Variants in AP4S1 observed in about 807,000 individuals in gnomAD.
AP4S1 encodes the protein adaptor related protein complex 4 subunit sigma 1, also known as AP-4 complex subunit sigma-1.
AP4S1 carries 23 observed loss-of-function variants against 19.8 expected under a neutral mutation model. The ratio of observed to expected loss-of-function variants is 1.16; its 90% CI spans 0.84 to 1.65. AP4S1 has a LOEUF of 1.65. Ranked by LOEUF, AP4S1 falls within the 40% of genes most tolerant of loss-of-function variation. The pLI, the probability that AP4S1 is intolerant of heterozygous loss-of-function variation, is 0.00. For missense variants in AP4S1, 166 were observed against 172.8 expected (o/e 0.96, Z 0.22); for synonymous variants, 46 against 54.1 (o/e 0.85, Z 0.66).
At chr14:31,062,150 G>C (rs1171678829) in intron 1 of AP4S1, among the ~76,000 whole-genome samples, 7 of 151,950 alleles carry the variant, frequency 4.6e-5, no homozygotes, top group Admixed American at 4.6e-4. Context: ...CCAGGCTGGA[G>C]TACAATGGCA....
chr14:31,037,085 T>TA (rs2139433381), intron 1 of AP4S1, among the ~76,000 whole-genome samples: 1 of 152,194 alleles, frequency 6.6e-6, no homozygotes, highest in East Asian at 1.9e-4. Context: ...GTGCTGGGAT[T>TA]ACAGGTGTCA....
chr14:31,080,633 G>C (rs1887589157), intron 5 of AP4S1, 49 bp downstream of exon 5: 6 of 1,612,976 alleles, frequency 3.7e-6, no homozygotes, highest in Non-Finnish European at 4.2e-6. Flanking sequence ...AATGCACTCT[G>C]GTCCTTATCA....
At chr14:31,039,042 C>T (rs1007769115) in intron 1 of AP4S1, among the ~76,000 whole-genome samples, 1 of 150,086 alleles carries the variant, frequency 6.7e-6, no homozygotes, top group Non-Finnish European at 1.5e-5. Context: ...GACGGTCTTG[C>T]TCTGTTGCCT....
intron 1 of AP4S1, among the ~76,000 whole-genome samples, chr14:31,050,750 C>T (rs943771840): frequency 2.6e-5 from 4 of 152,140 alleles, no homozygotes; most frequent in African/African-American, 9.7e-5. Context: ...TATAACTAAA[C>T]TCAGATTTTG....
At chr14:31,048,443 C>T (rs768904163) in intron 1 of AP4S1, among the ~76,000 whole-genome samples, 25 of 151,880 alleles carry the variant, frequency 1.6e-4, no homozygotes, top group Non-Finnish European at 3.7e-4. Flanking sequence ...AAAATTCTAG[C>T]CAGGACCACG....
At chr14:31,068,888 CT>C in intron 2 of AP4S1, among the ~76,000 whole-genome samples, 1 of 152,118 alleles carries the variant, frequency 6.6e-6, no homozygotes, top group South Asian at 2.1e-4. Flanking sequence ...GTTGTGTTTC[CT>C]TGAAAGATCC....
chr14:31,045,910 T>C (rs74742132), intron 1 of AP4S1, among the ~76,000 whole-genome samples: 1 of 150,994 alleles, frequency 6.6e-6, no homozygotes, highest in Non-Finnish European at 1.5e-5. Flanking sequence ...GATCAGAGAG[T>C]TGGAAATTTC....
intron 1 of AP4S1, among the ~76,000 whole-genome samples, chr14:31,064,094 A>G (rs982471664): frequency 6.6e-5 from 10 of 152,178 alleles, no homozygotes; most frequent in African/African-American, 2.4e-4. Context: ...AGAAACAAAT[A>G]TGAGATTCAA....
At chr14:31,035,246 G>A (rs1884664564) in intron 1 of AP4S1, among the ~76,000 whole-genome samples, 2 of 139,276 alleles carry the variant, frequency 1.4e-5, no homozygotes, top group Non-Finnish European at 3.0e-5. Context: ...CCAGGCTGGA[G>A]TGCAGTGGTG....
intron 1 of AP4S1, among the ~76,000 whole-genome samples, chr14:31,048,563 C>CA (rs971991207): frequency 9.9e-5 from 15 of 151,918 alleles, no homozygotes; most frequent in African/African-American, 3.6e-4. Context: ...CCCGTTTTGC[C>CA]AAAAATCTCT....
At chr14:31,038,634 A>G (rs943613849) in intron 1 of AP4S1, among the ~76,000 whole-genome samples, 1 of 152,170 alleles carries the variant, frequency 6.6e-6, no homozygotes, top group Non-Finnish European at 1.5e-5. Context: ...AAAGCCACAT[A>G]CTAAATGAAA....
Position 31,025,735 on chromosome 14 carries a change from G to A in AP4S1, c.-124G>A, listed in dbSNP as rs1246841522. The A allele has an allele frequency of 1.8e-5, 16 of 899,494 alleles. No individual in the cohort carries two copies. Among genetic ancestry groups the A allele is most frequent in the Admixed American group, 5.6e-5 (2 of 35,566 alleles). The allele number at this position is 899,494 out of a possible 1,614,324, so 55.7% of individuals were successfully genotyped here. Reference sequence around the variant, plus strand: ...AGCAAGCTTATGCGGGAAAGAGGGAGGGGGACTCCAGGAAAAGCCGTTGAG... The same window carrying A: ...AGCAAGCTTATGCGGGAAAGAGGGAAGGGGACTCCAGGAAAAGCCGTTGAG... On this transcript the variant is annotated 5_prime_UTR_variant, in exon 1 of 6. Coordinates refer to ENST00000542754, the MANE Select transcript of AP4S1 (RefSeq NM_001128126.3).
At chr14:31,045,901 A>G (rs57218502) in intron 1 of AP4S1, among the ~76,000 whole-genome samples, 53 of 151,920 alleles carry the variant, frequency 3.5e-4, no homozygotes, top group African/African-American at 1.3e-3. Context: ...TGATGAGAGG[A>G]TCAGAGAGTT....
In AP4S1 at chr14:31,069,854, TG is replaced by T; in HGVS notation, c.151del (p.Glu51AsnfsTer7). ...TGTGTTTTGTCTAGTGCTCTTTCAT[TG>T]AATATAAGGATTTTAAGCTGATATA... The part of the protein sequence containing the change: ...SRSNEQCSFI[E>X]YKDFKLIYRQ... On this transcript the variant is annotated frameshift_variant, in exon 3 of 6. Coordinates refer to ENST00000542754, the MANE Select transcript of AP4S1 (RefSeq NM_001128126.3). LOFTEE classifies it high-confidence loss of function. The T allele has an allele frequency of 3.1e-6, 5 of 1,612,460 alleles. No homozygotes were observed. Among genetic ancestry groups the T allele is most frequent in the Non-Finnish European group, 3.4e-6 (4 of 1,178,502 alleles).
intron 1 of AP4S1, among the ~76,000 whole-genome samples, chr14:31,028,082 C>A (rs1884146943): frequency 6.6e-6 from 1 of 152,132 alleles, no homozygotes; most frequent in East Asian, 1.9e-4. Context: ...GCAGATTGGA[C>A]CTGTTACTCA....
intron 5 of AP4S1, among the ~76,000 whole-genome samples, chr14:31,083,083 T>C (rs995948906): frequency 4.6e-5 from 7 of 152,014 alleles, no homozygotes; most frequent in East Asian, 1.9e-4. Flanking sequence ...GTTGGATGAG[T>C]TGTGTTGATG....
chr14:31,052,508 T>C (rs377620996), intron 1 of AP4S1, among the ~76,000 whole-genome samples: 1 of 152,100 alleles, frequency 6.6e-6, no homozygotes, highest in East Asian at 1.9e-4. Flanking sequence ...GCAGATCACC[T>C]GAGGTCAGGA....
chr14:31,058,112 G>T (rs900915080), intron 1 of AP4S1, among the ~76,000 whole-genome samples: 1 of 151,580 alleles, frequency 6.6e-6, no homozygotes, highest in African/African-American at 2.4e-5. Context: ...GTTTTTTGTT[G>T]TAGAGGCATG....
chr14:31,032,394 T>C (rs995032495), intron 1 of AP4S1, among the ~76,000 whole-genome samples: 1 of 152,166 alleles, frequency 6.6e-6, no homozygotes, highest in African/African-American at 2.4e-5. Context: ...TCCAGGCTTT[T>C]AAATAAATCA....
Sources: gnomAD v4.1 joint callset for allele counts (sites outside exome capture counted in the v4.1 genomes callset) on GRCh38, gnomAD v4.1.1 for gene constraint, MANE v1.5 for transcripts, NCBI Gene and HGNC (gene_info 2026-07-23, HGNC 2026-07-21) for gene names.